Variants in RAPGEF4 observed in about 807,000 individuals in gnomAD.
The protein encoded by RAPGEF4 is Rap guanine nucleotide exchange factor 4, also known as RAP guanine-nucleotide-exchange factor (GEF) 4.
A neutral mutation model predicts 147.9 loss-of-function variants in RAPGEF4; 66 were observed. That is an observed-to-expected ratio of 0.45 (90% CI 0.37 to 0.55). RAPGEF4 has a LOEUF of 0.55. RAPGEF4 is among the 20% of genes least tolerant of loss of function. The pLI is 0.00. For missense variants in RAPGEF4, 1,071 were observed against 1,257.3 expected, an observed-to-expected ratio of 0.85 and a Z score of 2.24; for synonymous variants, 419 against 442.7, an observed-to-expected ratio of 0.95 and a Z score of 0.67.
intron 23 of RAPGEF4, 87 bp downstream of exon 23, chr2:173,020,802 G>C: frequency 9.8e-7 from 1 of 1,024,358 alleles, no homozygotes. Context: ...GAACCCAGTG[G>C]CTAAAAAATC....
intron 21 of RAPGEF4, among the ~76,000 whole-genome samples, chr2:173,017,793 C>G (rs928808204): frequency 7.9e-5 from 12 of 152,096 alleles, no homozygotes. Context: ...GATTGCCCAC[C>G]CCTGGGAAAA....
At chr2:172,768,583 G>A (rs1697072318) in intron 1 of RAPGEF4, among the ~76,000 whole-genome samples, 1 of 151,990 alleles carries the variant, frequency 6.6e-6, no homozygotes, top group African/African-American at 2.4e-5. Context: ...TACTCAGGCG[G>A]AAGAGTGCCA....
intron 6 of RAPGEF4, among the ~76,000 whole-genome samples, chr2:172,924,922 T>C (rs1025517218): frequency 2.0e-5 from 3 of 152,260 alleles, no homozygotes; most frequent in Non-Finnish European, 2.9e-5. Flanking sequence ...CTCATCATTT[T>C]GTTAATCACC....
chr2:173,011,680 G>C (rs1695038827), intron 17 of RAPGEF4, among the ~76,000 whole-genome samples: 1 of 152,060 alleles, frequency 6.6e-6, no homozygotes, highest in African/African-American at 2.4e-5. Context: ...CTAGCATGGT[G>C]CTTTACTCAA....
At chr2:172,802,075 T>G (rs1410335685) in intron 3 of RAPGEF4, among the ~76,000 whole-genome samples, 1 of 152,142 alleles carries the variant, frequency 6.6e-6, no homozygotes, top group Admixed American at 6.5e-5. Flanking sequence ...TGGTTAGAAC[T>G]GACGGTGATG....
At position 173,022,634 on chromosome 2, in the gene RAPGEF4, G is replaced by C. The variant is rs115423583; in HGVS notation, c.2253+1919G>C. Among the ~76,000 whole-genome samples, 627 of 152,304 alleles carry C rather than the reference G, an allele frequency of 4.1e-3. 2 individuals carry two copies. The highest frequency in any genetic ancestry group is 0.014 in the African/African-American group (602 of 41,568). ...TGTGCTTGGGGCTGTGCTGGCTTCT[G>C]TGAGACACTAAACCAAGTGCCCCAG... On this transcript the variant is annotated intron_variant, in intron 23 of 30. Transcript: ENST00000397081.
At chr2:173,036,318 A>T in intron 28 of RAPGEF4, 106 bp downstream of exon 28, 1 of 920,080 alleles carries the variant, frequency 1.1e-6, no homozygotes, top group Non-Finnish European at 1.7e-6. Context: ...GATCGATCCC[A>T]TCCTTCTGCC....
intron 4 of RAPGEF4, among the ~76,000 whole-genome samples, chr2:172,818,547 T>C (rs1688736978): frequency 6.6e-6 from 1 of 152,096 alleles, no homozygotes; most frequent in South Asian, 2.1e-4. Context: ...AGTGTTTACT[T>C]TTGAGGAATG....
At chr2:172,749,558 C>G (rs6755495) in intron 1 of RAPGEF4, among the ~76,000 whole-genome samples, 9,878 of 152,276 alleles carry the variant, frequency 0.065, 1,121 homozygotes, top group African/African-American at 0.23. Flanking sequence ...GCCCAGCCCA[C>G]GAAACCACTT....
In RAPGEF4 at chr2:172,777,637, C is replaced by T. The variant is rs114938702; in HGVS notation, c.66-17388C>T. On this transcript the variant is annotated intron_variant, in intron 1 of 30. Coordinates refer to ENST00000397081, the MANE Select transcript of RAPGEF4 (RefSeq NM_007023.4). ...TATGAACAACTTTCCCTCTGACTCA[C>T]GTCACTGCACATTCCAGCTACTTCA... Among the ~76,000 whole-genome samples, 1,123 of 152,240 alleles carry T rather than the reference C, an allele frequency of 7.4e-3. 14 individuals carry two copies. Among genetic ancestry groups the T allele is most frequent in the African/African-American group, 0.026 (1,077 of 41,540 alleles).
At chr2:172,978,073 C>A (rs1342600499) in intron 10 of RAPGEF4, among the ~76,000 whole-genome samples, 1 of 152,162 alleles carries the variant, frequency 6.6e-6, no homozygotes, top group Non-Finnish European at 1.5e-5. Context: ...CTGTTGTGGA[C>A]CTCTCTGAGG....
At chr2:172,983,213 A>C (rs938445826) in intron 10 of RAPGEF4, among the ~76,000 whole-genome samples, 1 of 152,318 alleles carries the variant, frequency 6.6e-6, no homozygotes, top group African/African-American at 2.4e-5. Context: ...AAAGTGAGAG[A>C]TGAGTTGGCC....
At chr2:172,810,289 G>A (rs1330416564) in intron 3 of RAPGEF4, among the ~76,000 whole-genome samples, 3 of 152,226 alleles carry the variant, frequency 2.0e-5, no homozygotes, top group Non-Finnish European at 4.4e-5. Context: ...GTTAGTAAGA[G>A]TGTCTGCAAT....
At chr2:172,990,029 A>G (rs906451365) in intron 14 of RAPGEF4, among the ~76,000 whole-genome samples, 1 of 135,372 alleles carries the variant, frequency 7.4e-6, no homozygotes, top group Admixed American at 7.6e-5. Flanking sequence ...AAAAAAAAAA[A>G]GAAAAGAAAA....
At chr2:173,016,216 C>T in intron 18 of RAPGEF4, 133 bp from the exon 19 acceptor site, 3 of 634,336 alleles carry the variant, frequency 4.7e-6, no homozygotes, top group Non-Finnish European at 8.2e-6. Flanking sequence ...TTTGTTCTTC[C>T]TCCAGTCCAT....
chr2:172,978,714 T>G lies in RAPGEF4; in HGVS notation c.1005-4782T>G, dbSNP rs190304590. Reference sequence around the variant, plus strand: ...CTGTGATGGTTTTCTTCTGTGAGGGTTGAGCTGCGGCTGCTTCCATTCTTG... The same window carrying G: ...CTGTGATGGTTTTCTTCTGTGAGGGGTGAGCTGCGGCTGCTTCCATTCTTG... On this transcript the variant is annotated intron_variant, in intron 10 of 30. Coordinates refer to ENST00000397081, the MANE Select transcript of RAPGEF4 (RefSeq NM_007023.4). Among the ~76,000 whole-genome samples the G allele has an allele frequency of 2.1e-3, 317 of 152,332 alleles. 1 individual carries two copies. The highest frequency in any genetic ancestry group is 0.01 in the Middle Eastern group (3 of 294).
intron 4 of RAPGEF4, among the ~76,000 whole-genome samples, chr2:172,866,395 C>T (rs1416764165): frequency 6.6e-6 from 1 of 152,010 alleles, no homozygotes; most frequent in African/African-American, 2.4e-5. Flanking sequence ...GATTCCTTTC[C>T]CTTCTTGAAA....
At chr2:172,977,251 T>A (rs1457071473) in intron 10 of RAPGEF4, among the ~76,000 whole-genome samples, 1 of 152,184 alleles carries the variant, frequency 6.6e-6, no homozygotes, top group Non-Finnish European at 1.5e-5. Flanking sequence ...GTTTGAACAG[T>A]CTGGGGGCTG....
chr2:172,750,485 C>A (rs769255613), intron 1 of RAPGEF4, among the ~76,000 whole-genome samples: 1 of 152,022 alleles, frequency 6.6e-6, no homozygotes, highest in Non-Finnish European at 1.5e-5. Flanking sequence ...GGAAACTGCT[C>A]CCATGATTCA....
Sources: allele counts gnomAD v4.1 joint callset (sites outside exome capture counted in the v4.1 genomes callset), GRCh38; gene constraint gnomAD v4.1.1; transcripts MANE v1.5; gene names NCBI Gene and HGNC (gene_info 2026-07-23, HGNC 2026-07-21).